The following PTPRK variants were observed in gnomAD, a reference collection of about 807,000 sequenced individuals.
PTPRK encodes protein tyrosine phosphatase receptor type K.
In PTPRK, 75 loss-of-function variants were observed where a neutral mutation model predicts 178.0. The observed-to-expected ratio is 0.42, with a 90% CI of 0.35 to 0.51. The LOEUF is 0.51. PTPRK is among the 20% of genes least tolerant of loss of function. The pLI, the probability that PTPRK is intolerant of heterozygous loss-of-function variation, is 0.02. For missense variants in PTPRK, 1,441 were observed against 1,797.8 expected, an observed-to-expected ratio of 0.80 and a Z score of 3.59; for synonymous variants, 637 against 620.6, an observed-to-expected ratio of 1.03 and a Z score of -0.39.
chr6:128,427,921 T>C (rs1844359516), intron 1 of PTPRK, among the ~76,000 whole-genome samples: 1 of 151,936 alleles, frequency 6.6e-6, no homozygotes, highest in Non-Finnish European at 1.5e-5. Flanking sequence ...TAAAACCTCG[T>C]CTCTACTAAA....
chr6:128,289,040 A>C (rs1451426391), intron 3 of PTPRK, among the ~76,000 whole-genome samples: 1 of 152,110 alleles, frequency 6.6e-6, no homozygotes, highest in African/African-American at 2.4e-5. Flanking sequence ...AGCGTGCACC[A>C]GTGCTTCTTG....
intron 2 of PTPRK, among the ~76,000 whole-genome samples, chr6:128,381,672 CAG>C (rs1429021936): frequency 2.0e-5 from 3 of 151,716 alleles, no homozygotes; most frequent in African/African-American, 4.8e-5. Context: ...ACAACATTTA[CAG>C]AGAGAGAGAG....
chr6:128,477,603 A>G (rs1851529591), intron 1 of PTPRK, among the ~76,000 whole-genome samples: 1 of 152,196 alleles, frequency 6.6e-6, no homozygotes, highest in Non-Finnish European at 1.5e-5. Context: ...AAATTCTAAA[A>G]GCTAAATTTC....
At chr6:128,379,678 T>C (rs1023703559) in intron 2 of PTPRK, among the ~76,000 whole-genome samples, 2 of 152,158 alleles carry the variant, frequency 1.3e-5, no homozygotes, top group African/African-American at 4.8e-5. Flanking sequence ...AAAGGAACAA[T>C]TTTTTATATT....
chr6:128,052,923 C>T (rs1270718082), intron 13 of PTPRK, among the ~76,000 whole-genome samples: 1 of 152,112 alleles, frequency 6.6e-6, no homozygotes, highest in Non-Finnish European at 1.5e-5. Context: ...ATTGTGTCCT[C>T]TTGCTATGCC....
chr6:128,241,190 C>A, intron 4 of PTPRK: 1 of 529,796 alleles, frequency 1.9e-6, no homozygotes, highest in Non-Finnish European at 3.9e-6. Context: ...ATAATCTGAC[C>A]CTTACTGGCT....
intron 3 of PTPRK, among the ~76,000 whole-genome samples, chr6:128,273,908 T>C (rs1029130346): frequency 6.6e-6 from 1 of 152,144 alleles, no homozygotes; most frequent in African/African-American, 2.4e-5. Flanking sequence ...AAAACTCTTA[T>C]AAAGTTATAC....
intron 2 of PTPRK, among the ~76,000 whole-genome samples, chr6:128,348,879 A>C (rs1482906831): frequency 1.3e-5 from 2 of 152,088 alleles, no homozygotes; most frequent in East Asian, 3.8e-4. Context: ...TGATGAATAA[A>C]AATATGTAGG....
intron 3 of PTPRK, among the ~76,000 whole-genome samples, chr6:128,303,351 A>G (rs1333763175): frequency 1.3e-5 from 2 of 152,178 alleles, no homozygotes; most frequent in African/African-American, 2.4e-5. Context: ...ATGAATCCGT[A>G]TTACTGGCAT....
intron 3 of PTPRK, among the ~76,000 whole-genome samples, chr6:128,286,106 C>T (rs1385310690): frequency 1.3e-5 from 2 of 152,058 alleles, no homozygotes; most frequent in Non-Finnish European, 2.9e-5. Flanking sequence ...TATGCACCCT[C>T]CCCACAGCAG....
chr6:128,266,567 T>C lies in PTPRK; in HGVS notation c.496-23965A>G, dbSNP rs570733697. Among the ~76,000 whole-genome samples, 5 of 152,252 alleles carry C rather than the reference T, an allele frequency of 3.3e-5. No homozygotes were observed. In the South Asian group the frequency reaches 8.3e-4, roughly 25 times the overall value. ...CTCTCCAGACCACAATTCCTTCTTCTATGAATTTTCATCCTTGGACCACAA... is the reference window on the plus strand; with the variant it reads ...CTCTCCAGACCACAATTCCTTCTTCCATGAATTTTCATCCTTGGACCACAA... On this transcript the variant is annotated intron_variant, in intron 3 of 29. Transcript: ENST00000368226.
chr6:128,333,947 C>G (rs555753460), intron 2 of PTPRK, among the ~76,000 whole-genome samples: 3 of 152,044 alleles, frequency 2.0e-5, no homozygotes, highest in African/African-American at 7.3e-5. Context: ...AAAGGGCCAC[C>G]GTAGGGTTAC....
chr6:128,029,141 T>C (rs1338892457), intron 13 of PTPRK, among the ~76,000 whole-genome samples: 1 of 152,110 alleles, frequency 6.6e-6, no homozygotes, highest in African/African-American at 2.4e-5. Context: ...AATGCCTTGG[T>C]GCCATCCTCA....
At chr6:128,330,394 T>G (rs1830112181) in intron 2 of PTPRK, among the ~76,000 whole-genome samples, 1 of 152,202 alleles carries the variant, frequency 6.6e-6, no homozygotes, top group Admixed American at 6.5e-5. Context: ...TTTTTTCATC[T>G]GATTAAGTGG....
intron 3 of PTPRK, among the ~76,000 whole-genome samples, chr6:128,259,804 C>T (rs1414375628): frequency 7.9e-5 from 12 of 152,150 alleles, no homozygotes; most frequent in African/African-American, 1.9e-4. Context: ...TAACTTAAAA[C>T]ATTCTTTCCT....
intron 5 of PTPRK, among the ~76,000 whole-genome samples, chr6:128,236,897 T>C (rs1174750179): frequency 6.6e-6 from 1 of 152,212 alleles, no homozygotes; most frequent in Non-Finnish European, 1.5e-5. Context: ...AGAACTACCA[T>C]GATATGCATT....
At position 128,094,073 on chromosome 6, in the gene PTPRK, C is replaced by T. The variant is rs142250108; in HGVS notation, c.1163-4081G>A. Among the ~76,000 whole-genome samples, 8 of 152,148 alleles carry T rather than the reference C, an allele frequency of 5.3e-5. No homozygotes were observed. In the East Asian group the frequency reaches 1.2e-3, roughly 22 times the overall value. ...ATGGAAGAAACGAGTTGAATAAAAA[C>T]GTAGAACACAGTTGGAGAAAATTTG... On this transcript the variant is annotated intron_variant, in intron 7 of 29. Transcript: ENST00000368226.
chr6:128,000,972 G>A (rs944253468), intron 15 of PTPRK, among the ~76,000 whole-genome samples: 3 of 151,880 alleles, frequency 2.0e-5, no homozygotes, highest in Non-Finnish European at 2.9e-5. Context: ...CTTTTGTTTT[G>A]CATTAAGCTT....
intron 15 of PTPRK, chr6:127,999,801 C>T (rs1777584529): frequency 3.9e-6 from 1 of 258,052 alleles, no homozygotes; most frequent in Non-Finnish European, 6.0e-6. Context: ...CTTTCTATTC[C>T]TAGTGCCTGA....
Sources: gnomAD v4.1 joint callset for allele counts (sites outside exome capture counted in the v4.1 genomes callset) on GRCh38, gnomAD v4.1.1 for gene constraint, MANE v1.5 for transcripts, NCBI Gene and HGNC (gene_info 2026-07-23, HGNC 2026-07-21) for gene names.